Variants in SPATA16 observed in about 807,000 individuals in gnomAD.
SPATA16 encodes the protein spermatogenesis associated 16, also known as spermatogenesis-associated protein 16.
Under a neutral mutation model 63.3 loss-of-function variants are expected in SPATA16, and 36 were observed. The ratio of observed to expected loss-of-function variants is 0.57; its 90% CI spans 0.44 to 0.75. SPATA16 has a LOEUF of 0.75. SPATA16 is among the 30% of genes least tolerant of loss of function. The probability of loss-of-function intolerance (pLI) is 0.00; values close to 1 mark genes in which losing one functional copy is unlikely to be tolerated. For missense variants in SPATA16, 646 were observed against 679.3 expected (o/e 0.95, Z 0.54); for synonymous variants, 203 against 216.7 (o/e 0.94, Z 0.56).
At chr3:173,050,471 G>A (rs1488585482) in intron 2 of SPATA16, among the ~76,000 whole-genome samples, 2 of 151,944 alleles carry the variant, frequency 1.3e-5, no homozygotes, top group Non-Finnish European at 2.9e-5. Flanking sequence ...GCCAAAGTTG[G>A]TCTCTTTACA....
intron 2 of SPATA16, among the ~76,000 whole-genome samples, chr3:173,088,718 A>T (rs1266117464): frequency 2.0e-5 from 3 of 152,220 alleles, no homozygotes; most frequent in Non-Finnish European, 4.4e-5. Context: ...TCTAGCCTGG[A>T]GAAAACTCAG....
intron 6 of SPATA16, among the ~76,000 whole-genome samples, chr3:172,941,168 A>G (rs987640699): frequency 6.6e-6 from 1 of 152,192 alleles, no homozygotes. Context: ...AGACAAAGAC[A>G]TGGAGAACAT....
intron 4 of SPATA16, among the ~76,000 whole-genome samples, chr3:172,978,196 G>C (rs538231530): frequency 6.6e-6 from 1 of 151,350 alleles, no homozygotes; most frequent in Admixed American, 6.6e-5. Flanking sequence ...GTATTGGAAA[G>C]AAGCTGCCCA....
In SPATA16 at chr3:172,901,362, G is replaced by C. The variant is rs536802480; in HGVS notation, c.1588-11670C>G. 2.6e-5 allele frequency among the ~76,000 whole-genome samples: 4 copies of C among 152,194 alleles called. No individual in the cohort carries two copies. In the South Asian group the frequency reaches 6.2e-4, roughly 24 times the overall value. On this transcript the variant is annotated intron_variant, in intron 10 of 10. Coordinates refer to ENST00000351008, the MANE Select transcript of SPATA16 (RefSeq NM_031955.6). ...CTACAGGCATGTGCCATCATGCCTT[G>C]CTAATTTTTGTATTTTTAGTAGAGA...
chr3:173,117,774 T>A (rs1737949301), intron 1 of SPATA16, 25 bp from the exon 2 acceptor site: 3 of 1,613,668 alleles, frequency 1.9e-6, no homozygotes, highest in Admixed American at 1.7e-5. Flanking sequence ...AAAAGGAAAG[T>A]AATTAAGGCA....
chr3:173,068,510 A>G (rs1397747459), intron 2 of SPATA16, among the ~76,000 whole-genome samples: 1 of 152,208 alleles, frequency 6.6e-6, no homozygotes, highest in African/African-American at 2.4e-5. Context: ...CAAAAAGAAT[A>G]AAAAGCAAGA....
intron 8 of SPATA16, among the ~76,000 whole-genome samples, chr3:172,919,242 A>C (rs1732567097): frequency 6.6e-6 from 1 of 152,242 alleles, no homozygotes; most frequent in Non-Finnish European, 1.5e-5. Flanking sequence ...AGCAGCCAAT[A>C]AAGTTAATGA....
intron 10 of SPATA16, among the ~76,000 whole-genome samples, chr3:172,890,135 A>T (rs1231778075): frequency 6.6e-6 from 1 of 152,168 alleles, no homozygotes; most frequent in Non-Finnish European, 1.5e-5. Context: ...GATGCTCCTA[A>T]CCAACATGGG....
intron 4 of SPATA16, among the ~76,000 whole-genome samples, chr3:173,012,480 A>T (rs1397574884): frequency 6.6e-6 from 1 of 152,240 alleles, no homozygotes. Flanking sequence ...GTAATCCCTA[A>T]GCAAAAAGAA....
chr3:173,041,795 G>A (rs1352442032), intron 3 of SPATA16, among the ~76,000 whole-genome samples: 5 of 151,862 alleles, frequency 3.3e-5, no homozygotes, highest in Admixed American at 6.6e-5. Context: ...ATCACACACC[G>A]GGGCTGTTGC....
rs762518840 is a variant in SPATA16 at position 172,956,686 on chromosome 3, T to C, written c.1072A>G (p.Met358Val). ...TKTHPAYAEY[M>V]YTDLQALHML... ...AGATATTGAATCTTACCTGTGTACA[T>C]ATACTCTGCATATGCAGGATGAGTT... Residue 358 changes from methionine (M) to valine (V), a missense_variant, in exon 6 of 11, where the codon ATG (methionine) becomes GTG (valine). Physicochemically the swap from Met to Val is conservative, Grantham distance 21. Transcript: ENST00000351008. 3 of 1,611,802 alleles carry C rather than the reference T, an allele frequency of 1.9e-6. No individual in the cohort carries two copies. The highest frequency in any genetic ancestry group is 8.5e-7 in the Non-Finnish European group (1 of 1,179,292).
rs546103110 is a variant in SPATA16 at position 172,898,834 on chromosome 3, G to A, written c.1588-9142C>T. ...ATTTGAGATAGCTTCTTCTTTTATAGTGTATGCATTTAGTGCTATACATTT... is the reference window on the plus strand; with the variant it reads ...ATTTGAGATAGCTTCTTCTTTTATAATGTATGCATTTAGTGCTATACATTT... On this transcript the variant is annotated intron_variant, in intron 10 of 10. Coordinates refer to ENST00000351008, the MANE Select transcript of SPATA16 (RefSeq NM_031955.6). Among the ~76,000 whole-genome samples the A allele has an allele frequency of 3.3e-3, 497 of 151,444 alleles. 4 individuals are homozygous for A. Among genetic ancestry groups the A allele is most frequent in the African/African-American group, 0.011 (460 of 41,376 alleles).
intron 2 of SPATA16, among the ~76,000 whole-genome samples, chr3:173,084,226 A>T (rs902577866): frequency 6.6e-6 from 1 of 152,024 alleles, no homozygotes; most frequent in Non-Finnish European, 1.5e-5. Flanking sequence ...GTCATGAGAT[A>T]GTATGTCATT....
intron 1 of SPATA16, among the ~76,000 whole-genome samples, chr3:173,134,768 T>C (rs1160961889): frequency 1.3e-5 from 2 of 152,220 alleles, no homozygotes; most frequent in Non-Finnish European, 2.9e-5. Flanking sequence ...CATGGCTTTT[T>C]AAATAAATGG....
intron 2 of SPATA16, among the ~76,000 whole-genome samples, chr3:173,109,333 T>C (rs1737693397): frequency 6.6e-6 from 1 of 152,138 alleles, no homozygotes; most frequent in Non-Finnish European, 1.5e-5. Context: ...TGGCTGCTTT[T>C]GTGTGGGAAA....
At chr3:172,983,336 T>TA (rs1039030514) in intron 4 of SPATA16, among the ~76,000 whole-genome samples, 2 of 152,104 alleles carry the variant, frequency 1.3e-5, no homozygotes, top group African/African-American at 4.8e-5. Flanking sequence ...CTCTTTTTTT[T>TA]TTTTTGCCAT....
intron 10 of SPATA16, among the ~76,000 whole-genome samples, chr3:172,903,840 G>A (rs1314508486): frequency 6.6e-6 from 1 of 152,176 alleles, no homozygotes; most frequent in Non-Finnish European, 1.5e-5. Flanking sequence ...TCGCCAGATG[G>A]GCAGCAAGCT....
intron 10 of SPATA16, among the ~76,000 whole-genome samples, chr3:172,911,678 C>A (rs1732374590): frequency 6.6e-6 from 1 of 152,210 alleles, no homozygotes; most frequent in African/African-American, 2.4e-5. Context: ...GTGGCACCAG[C>A]AAACCTTTCC....
chr3:172,954,561 TA>T (rs1391044273), intron 6 of SPATA16, among the ~76,000 whole-genome samples: 1 of 152,218 alleles, frequency 6.6e-6, no homozygotes, highest in Admixed American at 6.5e-5. Flanking sequence ...TACCTTCGGC[TA>T]CTGATGCAGC....
Sources: allele counts gnomAD v4.1 joint callset (sites outside exome capture counted in the v4.1 genomes callset), GRCh38; gene constraint gnomAD v4.1.1; transcripts MANE v1.5; gene names NCBI Gene and HGNC (gene_info 2026-07-23, HGNC 2026-07-21).